POU2F3: variants seen among roughly 807,000 people sequenced by gnomAD.
The protein encoded by POU2F3 is POU domain, class 2, transcription factor 3.
In POU2F3, 23 loss-of-function variants were observed where a neutral mutation model predicts 59.2. The observed-to-expected ratio is 0.39, with a 90% CI of 0.28 to 0.55. The LOEUF (loss-of-function observed/expected upper bound fraction) is 0.55. Among genes scored for constraint, POU2F3 ranks in the 20% least tolerant of loss-of-function variants. The pLI is 0.66. For synonymous variants in POU2F3, 190 were observed against 214.6 expected (o/e 0.89, Z 1.00); for missense variants, 473 against 544.5 (o/e 0.87, Z 1.31).
chr11:120,311,818 CAAAG>C (rs1047514012), intron 10 of POU2F3, among the ~76,000 whole-genome samples: 6 of 152,026 alleles, frequency 3.9e-5, no homozygotes, highest in African/African-American at 1.5e-4. Context: ...GTAGAGGAAG[CAAAG>C]AGCAAAGGCC....
intron 3 of POU2F3, among the ~76,000 whole-genome samples, chr11:120,290,613 C>T (rs1238832266): frequency 6.6e-6 from 1 of 152,202 alleles, no homozygotes; most frequent in Non-Finnish European, 1.5e-5. Flanking sequence ...ATTCTCTGAG[C>T]CTTGGTTCCC....
intron 7 of POU2F3, 22 bp downstream of exon 7, chr11:120,305,234 TAGA>T (rs759198498): frequency 1.7e-5 from 27 of 1,607,878 alleles, no homozygotes; most frequent in East Asian, 2.2e-5. Flanking sequence ...GGGGAAAAGA[TAGA>T]AGAAGTCTAG....
In POU2F3 at chr11:120,318,491, G is replaced by A; in HGVS notation, c.*99G>A. 8.0e-7 allele frequency: 1 copy of A among 1,243,706 alleles called. No individual in the cohort carries two copies. The highest frequency in any genetic ancestry group is 1.2e-6 in the Non-Finnish European group (1 of 853,396). The allele number at this position is 1,243,706 out of a possible 1,614,324, so 77.0% of individuals were successfully genotyped here. ...CAGACAGATTGCCTTCAGAAGAGTG[G>A]AAGAAAATCTCCACTATCAATGAAC... On this transcript the variant is annotated 3_prime_UTR_variant, in exon 13 of 13. Coordinates refer to ENST00000543440, the MANE Select transcript of POU2F3 (RefSeq NM_014352.4).
rs1941361945 is a variant in POU2F3 at position 120,302,025 on chromosome 11, A to G, written c.362-261A>G. The G allele has an allele frequency of 9.4e-6, 4 of 427,232 alleles. No homozygotes were observed. In the South Asian group the frequency reaches 1.5e-4, roughly 16 times the overall value. 26.5% of individuals were successfully genotyped at this position (427,232 alleles called of 1,614,324 possible). On this transcript the variant is annotated intron_variant, in intron 5 of 12. Coordinates refer to ENST00000543440, the MANE Select transcript of POU2F3 (RefSeq NM_014352.4). ...CTCCTTAGCCTCTACGCCTCTCCAG[A>G]CAGGCGGGCAGGTGGAAGGACTGGT...
intron 3 of POU2F3, among the ~76,000 whole-genome samples, chr11:120,288,536 T>C (rs954725997): frequency 6.6e-6 from 1 of 152,194 alleles, no homozygotes; most frequent in African/African-American, 2.4e-5. Flanking sequence ...ACATGTGCCT[T>C]GGACAAATCT....
chr11:120,257,409 G>C (rs1293122556), intron 2 of POU2F3, among the ~76,000 whole-genome samples: 1 of 151,740 alleles, frequency 6.6e-6, no homozygotes, highest in South Asian at 2.1e-4. Context: ...GAAGTGGCCC[G>C]GCACCACGTG....
intron 2 of POU2F3, among the ~76,000 whole-genome samples, chr11:120,259,818 C>T (rs1939514791): frequency 1.3e-5 from 2 of 152,206 alleles, no homozygotes; most frequent in Admixed American, 1.3e-4. Context: ...CTGGACAGAA[C>T]TCTGACCATT....
intron 3 of POU2F3, among the ~76,000 whole-genome samples, chr11:120,283,638 G>A (rs1295379805): frequency 2.6e-5 from 4 of 152,186 alleles, no homozygotes; most frequent in African/African-American, 9.6e-5. Flanking sequence ...ACCCTAGCCT[G>A]CCCCCACCCA....
At chr11:120,238,534 C>T (rs759103886), upstream of POU2F3, among the ~76,000 whole-genome samples, 11 of 151,964 alleles carry the variant, frequency 7.2e-5, no homozygotes, top group Non-Finnish European at 1.2e-4. Flanking sequence ...GCCACGAAGG[C>T]TGTTAAGAAC....
At chr11:120,289,191 G>A (rs567718325) in intron 3 of POU2F3, among the ~76,000 whole-genome samples, 9 of 152,136 alleles carry the variant, frequency 5.9e-5, no homozygotes, top group African/African-American at 1.4e-4. Flanking sequence ...TTCTGTGCTA[G>A]TTCTGGTCCT....
chr11:120,289,238 C>T (rs930867102), intron 3 of POU2F3, among the ~76,000 whole-genome samples: 2 of 152,028 alleles, frequency 1.3e-5, no homozygotes, highest in Non-Finnish European at 2.9e-5. Context: ...AATAAACAGC[C>T]CTTTGTTAAA....
At chr11:120,312,633 C>G (rs1004088849) in intron 10 of POU2F3, among the ~76,000 whole-genome samples, 2 of 152,138 alleles carry the variant, frequency 1.3e-5, no homozygotes, top group African/African-American at 4.8e-5. Flanking sequence ...TTATTTCTTC[C>G]TTAAGCATTC....
intron 2 of POU2F3, among the ~76,000 whole-genome samples, chr11:120,248,837 A>C (rs1332755771): frequency 1.3e-5 from 2 of 152,202 alleles, no homozygotes; most frequent in Non-Finnish European, 2.9e-5. Context: ...ATGAGTCACA[A>C]TGGTTACCAA....
upstream of POU2F3, chr11:120,236,774 A>C (rs1591364259): frequency 7.2e-7 from 1 of 1,385,738 alleles, no homozygotes; most frequent in Non-Finnish European, 9.9e-7. Context: ...CAAGTCTGAG[A>C]GAGAAGGAAT....
At chr11:120,279,428 A>T (rs1413237904) in intron 3 of POU2F3, among the ~76,000 whole-genome samples, 2 of 152,162 alleles carry the variant, frequency 1.3e-5, no homozygotes, top group African/African-American at 2.4e-5. Flanking sequence ...TTTTCTGATG[A>T]ATAAGAACCC....
At chr11:120,249,130 G>A (rs935700428) in intron 2 of POU2F3, among the ~76,000 whole-genome samples, 5 of 152,180 alleles carry the variant, frequency 3.3e-5, no homozygotes, top group African/African-American at 7.2e-5. Context: ...TGGTGGAGAC[G>A]TGGCCGGGGG....
chr11:120,294,995 G>A (rs181272550), intron 3 of POU2F3, among the ~76,000 whole-genome samples: 530 of 152,212 alleles, frequency 3.5e-3, no homozygotes, highest in Non-Finnish European at 5.9e-3. Context: ...TCGGTCAAAC[G>A]AATCATAAAA....
At chr11:120,280,145 CT>C (rs746179853) in intron 3 of POU2F3, among the ~76,000 whole-genome samples, 4 of 152,196 alleles carry the variant, frequency 2.6e-5, no homozygotes, top group Middle Eastern at 3.2e-3. Flanking sequence ...AAGCAGGCGT[CT>C]CTTTGGAGCA....
chr11:120,274,615 G>A (rs1273130940), intron 3 of POU2F3, among the ~76,000 whole-genome samples: 1 of 152,154 alleles, frequency 6.6e-6, no homozygotes, highest in Non-Finnish European at 1.5e-5. Flanking sequence ...GAGAAGGAGG[G>A]GCAGAGAATG....
Sources: allele counts gnomAD v4.1 joint callset (sites outside exome capture counted in the v4.1 genomes callset), GRCh38; gene constraint gnomAD v4.1.1; transcripts MANE v1.5; gene names NCBI Gene and HGNC (gene_info 2026-07-23, HGNC 2026-07-21).